FRMD4A: variants seen among roughly 807,000 people sequenced by gnomAD.
FRMD4A encodes FERM domain containing 4A, also known as FERM domain-containing protein 4A.
In FRMD4A, 29 loss-of-function variants were observed where a neutral mutation model predicts 129.1. The ratio of observed to expected loss-of-function variants is 0.22; its 90% CI spans 0.17 to 0.31. The LOEUF (loss-of-function observed/expected upper bound fraction) is 0.31. Ranked by LOEUF, FRMD4A falls within the 10% of genes least tolerant of loss-of-function variation. The pLI, the probability that FRMD4A is intolerant of heterozygous loss-of-function variation, is 1.00. For synonymous variants in FRMD4A, 634 were observed against 571.6 expected (o/e 1.11, Z -1.56); for missense variants, 1,272 against 1,375.8 (o/e 0.92, Z 1.19).
At chr10:13,860,777 G>A (rs186024486) in intron 2 of FRMD4A, among the ~76,000 whole-genome samples, 1 of 152,212 alleles carries the variant, frequency 6.6e-6, no homozygotes, top group Admixed American at 6.5e-5. Context: ...GGGAGCTCTT[G>A]TTTTAATTTA....
intron 2 of FRMD4A, among the ~76,000 whole-genome samples, chr10:14,082,338 A>G (rs534619213): frequency 9.9e-5 from 15 of 152,236 alleles, no homozygotes; most frequent in African/African-American, 2.4e-4. Context: ...GAAAACCAAC[A>G]TAAGTAATTT....
rs1043250300 is a variant in FRMD4A at position 14,221,084 on chromosome 10, G to A, written c.45+108974C>T. On this transcript the variant is annotated intron_variant, in intron 2 of 24. Coordinates refer to ENST00000357447, the MANE Select transcript of FRMD4A (RefSeq NM_018027.5). ...GAGGAAAGACTTCCTGAATAAACAT[G>A]GAGAACATGCAGCGAATGGTGGCAA... is the stretch of plus-strand genomic sequence containing the variant. Among the ~76,000 whole-genome samples the A allele has an allele frequency of 9.2e-5, 14 of 152,242 alleles. 1 individual carries two copies. Among genetic ancestry groups the A allele is most frequent in the Admixed American group, 9.2e-4 (14 of 15,278 alleles).
intron 22 of FRMD4A, chr10:13,655,953 T>G (rs2082105678): frequency 6.6e-6 from 1 of 152,188 alleles, no homozygotes; most frequent in Admixed American, 6.5e-5. Flanking sequence ...CCTTTTTTTT[T>G]TGTTTTTTAC....
intron 24 of FRMD4A, among the ~76,000 whole-genome samples, chr10:13,649,031 G>A (rs556974286): frequency 6.6e-6 from 1 of 152,320 alleles, no homozygotes; most frequent in South Asian, 2.1e-4. Context: ...TCCTGGATTA[G>A]TTTGCCACAG....
chr10:14,008,275 A>G (rs1013365953), intron 2 of FRMD4A: 2 of 1,028,170 alleles, frequency 1.9e-6, no homozygotes, highest in Non-Finnish European at 2.4e-6. Context: ...GAGGGTTCCC[A>G]AATATCAAAT....
intron 19 of FRMD4A, among the ~76,000 whole-genome samples, chr10:13,661,073 A>G (rs2082606181): frequency 6.6e-6 from 1 of 152,162 alleles, no homozygotes; most frequent in African/African-American, 2.4e-5. Flanking sequence ...CATTGTAAAT[A>G]CCTGCTGGGT....
chr10:13,762,800 C>G, intron 6 of FRMD4A, 120 bp from the exon 7 acceptor site: 1 of 676,604 alleles, frequency 1.5e-6, no homozygotes, highest in Non-Finnish European at 2.7e-6. Context: ...TTGAGACCAG[C>G]CTGGGCAACA....
At chr10:14,118,558 C>T (rs1838321618) in intron 2 of FRMD4A, among the ~76,000 whole-genome samples, 1 of 152,154 alleles carries the variant, frequency 6.6e-6, no homozygotes, top group African/African-American at 2.4e-5. Context: ...AAAGGCATAC[C>T]TGAGGCTGGG....
chr10:13,791,441 G>A (rs1169932298), intron 5 of FRMD4A, among the ~76,000 whole-genome samples: 1 of 95,190 alleles, frequency 1.1e-5, no homozygotes, highest in Non-Finnish European at 2.5e-5. Context: ...CCAACCCTGC[G>A]GGTGGGTGTG....
intron 6 of FRMD4A, 95 bp from the exon 7 acceptor site, chr10:13,762,775 C>A: frequency 1.3e-6 from 1 of 775,790 alleles, no homozygotes. Flanking sequence ...GGGAGGATTA[C>A]TTGAGCCCTG....
chr10:14,132,958 C>G (rs982693466), intron 2 of FRMD4A, among the ~76,000 whole-genome samples: 11 of 152,200 alleles, frequency 7.2e-5, no homozygotes, highest in Non-Finnish European at 1.3e-4. Flanking sequence ...GGCAGCCATC[C>G]TGGTTCTCTG....
At chr10:13,746,054 A>T (rs2091274863) in intron 9 of FRMD4A, among the ~76,000 whole-genome samples, 1 of 152,172 alleles carries the variant, frequency 6.6e-6, no homozygotes, top group Non-Finnish European at 1.5e-5. Context: ...TCATTTATTT[A>T]CATCTATGTT....
At chr10:14,194,426 C>A (rs1457111056) in intron 2 of FRMD4A, among the ~76,000 whole-genome samples, 1 of 152,116 alleles carries the variant, frequency 6.6e-6, no homozygotes, top group Non-Finnish European at 1.5e-5. Context: ...CTGGCTAACA[C>A]GGTGAAACCC....
At chr10:14,224,153 C>T (rs750998593) in intron 2 of FRMD4A, among the ~76,000 whole-genome samples, 11 of 152,178 alleles carry the variant, frequency 7.2e-5, no homozygotes, top group Admixed American at 6.5e-4. Context: ...CGTGCCTCTT[C>T]TCTGCCAAAA....
intron 3 of FRMD4A, among the ~76,000 whole-genome samples, chr10:13,839,211 G>A (rs897554366): frequency 2.6e-5 from 4 of 151,974 alleles, no homozygotes; most frequent in African/African-American, 9.6e-5. Context: ...TTGCTGTCCT[G>A]CCCAGGCTGC....
chr10:14,047,202 C>G (rs1403768898), intron 2 of FRMD4A, among the ~76,000 whole-genome samples: 1 of 152,162 alleles, frequency 6.6e-6, no homozygotes, highest in Non-Finnish European at 1.5e-5. Context: ...ATTTTACCGT[C>G]TCTATCCTTT....
intron 2 of FRMD4A, among the ~76,000 whole-genome samples, chr10:13,878,822 G>GGGAAGGAAGGAA (rs71388126): frequency 0.25 from 35,277 of 140,600 alleles, 4,842 homozygotes; most frequent in Non-Finnish European, 0.29. Context: ...GAGGGAGGGA[G>GGGAAGGAAGGAA]GGAAGGAAGG....
chr10:14,247,213 C>T (rs776581330), intron 2 of FRMD4A, among the ~76,000 whole-genome samples: 3 of 152,030 alleles, frequency 2.0e-5, no homozygotes, highest in Admixed American at 6.6e-5. Flanking sequence ...ATGGCCATGC[C>T]CAGAGTCACC....
intron 2 of FRMD4A, among the ~76,000 whole-genome samples, chr10:14,187,719 A>G (rs994649770): frequency 2.0e-5 from 3 of 152,232 alleles, no homozygotes; most frequent in Non-Finnish European, 4.4e-5. Context: ...AGGTTAAGGC[A>G]GCAATGAGCA....
Sources: gnomAD v4.1 joint callset for allele counts (sites outside exome capture counted in the v4.1 genomes callset) on GRCh38, gnomAD v4.1.1 for gene constraint, MANE v1.5 for transcripts, NCBI Gene and HGNC (gene_info 2026-07-23, HGNC 2026-07-21) for gene names.